DSPP: variants seen among roughly 807,000 people sequenced by gnomAD.
The protein encoded by DSPP is deafness, autosomal dominant 39.
DSPP carries 28 observed loss-of-function variants against 29.1 expected under a neutral mutation model. The observed-to-expected ratio is 0.96, with a 90% confidence interval of 0.71 to 1.32. DSPP has a LOEUF of 1.32. Among genes scored for constraint, DSPP ranks in the 40% most tolerant of loss-of-function variants. The probability of loss-of-function intolerance (pLI) is 0.00; values close to 1 mark genes in which losing one functional copy is unlikely to be tolerated. For missense variants in DSPP, 1,281 were observed against 1,629.9 expected (o/e 0.79, Z 3.69); for synonymous variants, 481 against 503.4 (o/e 0.96, Z 0.60).
chr4:87,612,551 A>G lies in DSPP; in HGVS notation c.365A>G (p.Asp122Gly). 6.2e-7 allele frequency: 1 copy of G among 1,614,108 alleles called. No individual in the cohort carries two copies. The highest frequency in any genetic ancestry group is 8.5e-7 in the Non-Finnish European group (1 of 1,179,956). ...GGAAAAGCAGAAACATATGGTCATGATGGAATACATGGGAAAGAAGAAAAC... is the reference window on the plus strand; with the variant it reads ...GGAAAAGCAGAAACATATGGTCATGGTGGAATACATGGGAAAGAAGAAAAC... ...DTGKAETYGH[D>G]GIHGKEENIT... The change falls in exon 4 of 5, where the codon GAT becomes GGT. Residue 122 changes from aspartate (D) to glycine (G), a missense_variant. Transcript: ENST00000651931.
chr4:87,611,001 T>A lies in DSPP; in HGVS notation c.51+42T>A, dbSNP rs1456007812. ...TAGAAAACCTCTTCACTTTGTTATC[T>A]TTTTTAACCTAACATTAATACAAAA... On this transcript the variant is annotated intron_variant, in intron 2 of 4. Transcript: ENST00000651931. The A allele has an allele frequency of 2.6e-6, 4 of 1,559,628 alleles. No homozygotes were observed. In the South Asian group the frequency reaches 3.3e-5, roughly 13 times the overall value.
In DSPP at chr4:87,613,050, A is replaced by T; in HGVS notation, c.864A>T (p.Glu288Asp). Residue 288 changes from glutamate to aspartate, a missense_variant, in exon 4 of 5, where the codon GAA becomes GAT. This residue lies in a region of DSPP where 631 missense variants were observed against 643.2 expected (regional missense o/e 0.98). Coordinates refer to ENST00000651931, the MANE Select transcript of DSPP (RefSeq NM_014208.3). Reference protein sequence around the residue: ...KGQEGQDHGKEDDHDSSIGQN... With the variant: ...KGQEGQDHGKDDDHDSSIGQN... ...AGGAGGGCCAGGACCATGGGAAAGA[A>T]GATGATCATGATAGTAGCATAGGTC... 1.2e-6 allele frequency: 2 copies of T among 1,614,174 alleles called. No individual in the cohort carries two copies. The highest frequency in any genetic ancestry group is 1.1e-5 in the South Asian group (1 of 91,080).
rs33940466 is a variant in DSPP, at chr4:87,611,030, AGTGTGTGTGTGT to A, written c.51+93_51+104del. 1,587 of 821,884 alleles carry A rather than the reference AGTGTGTGTGTGT, an allele frequency of 1.9e-3. 10 individuals are homozygous for A. The African/African-American group carries it at 0.023, about 12-fold the overall frequency. 50.9% of individuals were successfully genotyped at this position (821,884 alleles called of 1,614,324 possible). A position where few individuals can be genotyped will look rare whatever the true frequency, so the allele number is the denominator to read the frequency against. ...TTAACCTAACATTAATACAAAATGT[AGTGTGTGTGTGT>A]GTGTGTGTGTGTGTGTGTGTGCATG... On this transcript the variant is annotated intron_variant, in intron 2 of 4. Transcript: ENST00000651931.
Position 87,612,709 on chromosome 4 carries a change from G to T in DSPP, c.523G>T (p.Asp175Tyr), listed in dbSNP as rs764667389. ...TGTTGGCGATGCAGGTCACAATGAG[G>T]ATGTCGCTGTTGTCCAAGAAGATGG... is the stretch of plus-strand genomic sequence containing the variant. ...GDVGDAGHNE[D>Y]VAVVQEDGPQ... The change falls in exon 4 of 5, where the codon GAT (aspartate) becomes TAT (tyrosine). Residue 175 changes from aspartate to tyrosine, a missense_variant. Asp to Tyr is a radical substitution (Grantham distance 160). Around this residue, in one of 4 missense-constraint regions of DSPP, gnomAD observed 631 missense variants for 643.2 expected, o/e 0.98. Transcript: ENST00000651931. 5.0e-6 allele frequency: 8 copies of T among 1,614,192 alleles called. No homozygotes were observed. The highest frequency in any genetic ancestry group is 6.8e-6 in the Non-Finnish European group (8 of 1,180,024).
chr4:87,612,777 TG>T lies in DSPP; in HGVS notation c.592del (p.Glu198LysfsTer2). 6.2e-7 allele frequency: 1 copy of T among 1,614,068 alleles called. No homozygotes were observed. The highest frequency in any genetic ancestry group is 1.7e-5 in the Admixed American group (1 of 60,012). ...GSNNSTDNED[E>X]IIENSCRNEG... is the part of the protein sequence containing the mutation. Reference sequence around the variant, plus strand: ...GCAATAACAGTACAGACAATGAGGATGAAATAATTGAGAATTCCTGTAGAAA... The same window carrying T: ...GCAATAACAGTACAGACAATGAGGATAAATAATTGAGAATTCCTGTAGAAA... On this transcript the variant is annotated frameshift_variant, in exon 4 of 5. Coordinates refer to ENST00000651931, the MANE Select transcript of DSPP (RefSeq NM_014208.3). LOFTEE classifies it high-confidence loss of function.
Position 87,615,333 on chromosome 4 carries a change from A to T in DSPP, c.2671A>T (p.Ser891Cys). 6.6e-7 allele frequency: 1 copy of T among 1,515,048 alleles called. No homozygotes were observed. Among genetic ancestry groups the T allele is most frequent in the Non-Finnish European group, 8.9e-7 (1 of 1,126,016 alleles). The allele number at this position is 1,515,048 out of a possible 1,614,324, so 93.9% of individuals were successfully genotyped here. A position where few individuals can be genotyped will look rare whatever the true frequency, so the allele number is the denominator to read the frequency against. ...DSSDSNESSN[S>C]SDSSDSSNSS... ...CAGTGACAGCAACGAAAGCAGCAAT[A>T]GCAGTGACAGCAGTGATAGCAGCAA... Residue 891 changes from serine to cysteine, a missense_variant, in exon 5 of 5, where the codon AGC becomes TGC. Coordinates refer to ENST00000651931, the MANE Select transcript of DSPP (RefSeq NM_014208.3).
In DSPP at chr4:87,612,706, G is replaced by A; in HGVS notation, c.520G>A (p.Glu174Lys). The change falls in exon 4 of 5, where the codon GAG becomes AAG. Residue 174 changes from glutamate (E) to lysine (K), a missense_variant. Coordinates refer to ENST00000651931, the MANE Select transcript of DSPP (RefSeq NM_014208.3). ...NGDVGDAGHN[E>K]DVAVVQEDGP... Reference sequence around the variant, plus strand: ...GGATGTTGGCGATGCAGGTCACAATGAGGATGTCGCTGTTGTCCAAGAAGA... The same window carrying A: ...GGATGTTGGCGATGCAGGTCACAATAAGGATGTCGCTGTTGTCCAAGAAGA... 6.2e-7 allele frequency: 1 copy of A among 1,614,180 alleles called. No individual in the cohort carries two copies. The highest frequency in any genetic ancestry group is 8.5e-7 in the Non-Finnish European group (1 of 1,180,020).
In DSPP at chr4:87,612,629, C is replaced by A; in HGVS notation, c.443C>A (p.Ala148Asp). The change falls in exon 4 of 5, where the codon GCC (alanine) becomes GAC (aspartate). Residue 148 changes from alanine (A) to aspartate (D), a missense_variant. Ala to Asp is a moderately radical substitution (Grantham distance 126). Transcript: ENST00000651931. ...GQVSIIDNAG[A>D]TNRSNTNGNT... ...GTAAGCATCATTGACAATGCTGGAG[C>A]CACAAACAGAAGCAACACTAATGGA... 1 of 1,613,970 alleles carries A rather than the reference C, an allele frequency of 6.2e-7. No homozygotes were observed. Among genetic ancestry groups the A allele is most frequent in the Non-Finnish European group, 8.5e-7 (1 of 1,179,984 alleles).
rs140946012 is a variant in DSPP, at chr4:87,614,125, G to A, written c.1463G>A (p.Arg488Gln). The A allele has an allele frequency of 1.9e-5, 30 of 1,614,224 alleles. No homozygotes were observed. Among genetic ancestry groups the A allele is most frequent in the African/African-American group, 5.3e-5 (4 of 75,062 alleles). ...NSESDNNSSS[R>Q]GDASYNSDES... ...GAAAGTGACAATAACAGCAGTAGCC[G>A]AGGAGATGCTTCTTATAACTCTGAT... is the stretch of plus-strand genomic sequence containing the variant. Residue 488 changes from arginine (R) to glutamine (Q), a missense_variant, in exon 5 of 5, where the codon CGA becomes CAA. Around this residue, in one of 4 missense-constraint regions of DSPP, gnomAD observed 631 missense variants for 643.2 expected, o/e 0.98. Transcript: ENST00000651931.
rs751445119 is a variant in DSPP, at chr4:87,613,033, C to T, written c.847C>T (p.Gln283Ter). 16 of 1,614,056 alleles carry T rather than the reference C, an allele frequency of 9.9e-6. No homozygotes were observed. The South Asian group carries it at 1.6e-4, about 17-fold the overall frequency. ...TAATAACAGCAAGGGCCAGGAGGGC[C>T]AGGACCATGGGAAAGAAGATGATCA... ...SSNNSKGQEG[Q>*]DHGKEDDHDS... Residue 283 changes from glutamine to a stop codon, truncating the protein, a stop_gained, in exon 4 of 5, where the codon CAG becomes TAG. Transcript: ENST00000651931. LOFTEE classifies it high-confidence loss of function.
Position 87,612,176 on chromosome 4 carries a change from T to C in DSPP, c.123T>C (p.Asn41=). 1 of 1,614,098 alleles carries C rather than the reference T, an allele frequency of 6.2e-7. No individual in the cohort carries two copies. The highest frequency in any genetic ancestry group is 1.1e-5 in the South Asian group (1 of 91,072). ...SMNLHLLARS[N]VSVQDELNAS... ...ATTTGCATCTCCTAGCAAGATCAAATGTGTCAGTACAGGTATAGGATGTAA... is the reference window on the plus strand; with the variant it reads ...ATTTGCATCTCCTAGCAAGATCAAACGTGTCAGTACAGGTATAGGATGTAA... The change falls in exon 3 of 5, where the codon AAT becomes AAC. Residue 41 remains asparagine, a synonymous_variant. Coordinates refer to ENST00000651931, the MANE Select transcript of DSPP (RefSeq NM_014208.3).
chr4:87,614,357 C>CA lies in DSPP; in HGVS notation c.1696dup (p.Ser566LysfsTer3). On this transcript the variant is annotated frameshift_variant, in exon 5 of 5. Coordinates refer to ENST00000651931, the MANE Select transcript of DSPP (RefSeq NM_014208.3). LOFTEE classifies it low-confidence loss of function (END_TRUNC). Reference sequence around the variant, plus strand: ...GCAGCAATAGCAGTGATAGTAGTGACAGCAGTGACAGTGACAGCAGTGATA... The same window carrying CA: ...GCAGCAATAGCAGTGATAGTAGTGACAAGCAGTGACAGTGACAGCAGTGATA... 6.3e-7 allele frequency: 1 copy of CA among 1,598,986 alleles called. No individual in the cohort carries two copies. The highest frequency in any genetic ancestry group is 8.5e-7 in the Non-Finnish European group (1 of 1,172,540).
Position 87,612,705 on chromosome 4 carries a change from T to C in DSPP, c.519T>C (p.Asn173=), listed in dbSNP as rs2109995645. 4.3e-6 allele frequency: 7 copies of C among 1,614,132 alleles called. No homozygotes were observed. Among genetic ancestry groups the C allele is most frequent in the Non-Finnish European group, 5.9e-6 (7 of 1,180,018 alleles). ...GGGATGTTGGCGATGCAGGTCACAA[T>C]GAGGATGTCGCTGTTGTCCAAGAAG... ...QNGDVGDAGH[N]EDVAVVQEDG... is the part of the protein sequence containing the mutation. Residue 173 remains asparagine, a synonymous_variant, in exon 4 of 5, where the codon AAT becomes AAC. Coordinates refer to ENST00000651931, the MANE Select transcript of DSPP (RefSeq NM_014208.3).
At position 87,616,163 on chromosome 4, in the gene DSPP, C is replaced by T. The variant is rs747132033; in HGVS notation, c.3501C>T (p.Asp1167=). 366 of 1,528,398 alleles carry T rather than the reference C, an allele frequency of 2.4e-4. 11 individuals are homozygous for T. The African/African-American group carries it at 4.5e-3, about 19-fold the overall frequency. The allele number at this position is 1,528,398 out of a possible 1,614,324, so 94.7% of individuals were successfully genotyped here. A position where few individuals can be genotyped will look rare whatever the true frequency, so the allele number is the denominator to read the frequency against. Residue 1167 remains aspartate, a synonymous_variant, in exon 5 of 5, where the codon GAC becomes GAT. Transcript: ENST00000651931. ...SDSSDSSDSS[D]SSDSSDSSDS... is the part of the protein sequence containing the mutation. ...GCAGTGACAGCAGCGATAGCAGCGA[C>T]AGCAGCGACAGCAGCGATAGCAGTG...
At chr4:87,609,567 G>C (rs1423790230) in intron 1 of DSPP, among the ~76,000 whole-genome samples, 1 of 152,188 alleles carries the variant, frequency 6.6e-6, no homozygotes, top group Admixed American at 6.5e-5. Context: ...TTGGCTTTCT[G>C]TTGAACAGCT....
chr4:87,610,917 A>T lies in DSPP; in HGVS notation c.9A>T (p.Ile3=). The T allele has an allele frequency of 2.5e-6, 4 of 1,613,274 alleles. No homozygotes were observed. Among genetic ancestry groups the T allele is most frequent in the Non-Finnish European group, 3.4e-6 (4 of 1,179,264 alleles). MK[I]ITYFCIWAVA... is the part of the protein sequence containing the mutation. Reference sequence around the variant, plus strand: ...TATTATTCCTAAAGAAAATGAAGATAATTACATATTTTTGCATTTGGGCAG... The same window carrying T: ...TATTATTCCTAAAGAAAATGAAGATTATTACATATTTTTGCATTTGGGCAG... The change falls in exon 2 of 5, where the codon ATA becomes ATT. Residue 3 remains isoleucine (I), a synonymous_variant. Transcript: ENST00000651931.
At chr4:87,610,601 A>G (rs1037119805) in intron 1 of DSPP, among the ~76,000 whole-genome samples, 1 of 152,196 alleles carries the variant, frequency 6.6e-6, no homozygotes, top group African/African-American at 2.4e-5. Flanking sequence ...ACACCCAAGA[A>G]TTGCAGAAGA....
rs1324825495 is a variant in DSPP at position 87,614,414 on chromosome 4, C to G, written c.1752C>G (p.Asp584Glu). Reference protein sequence around the residue: ...SNSSSDSDSSDSDSSDSSDSD... With the variant: ...SNSSSDSDSSESDSSDSSDSD... ...GTAGCAGTGATAGTGACAGCAGTGACAGTGACAGCAGTGATAGCAGTGACA... is the reference window on the plus strand; with the variant it reads ...GTAGCAGTGATAGTGACAGCAGTGAGAGTGACAGCAGTGATAGCAGTGACA... Residue 584 changes from aspartate to glutamate, a missense_variant, in exon 5 of 5, where the codon GAC becomes GAG. Physicochemically the swap from Asp to Glu is conservative, Grantham distance 45. This residue lies in a region of DSPP where 444 missense variants were observed against 611.4 expected (regional missense o/e 0.73). Coordinates refer to ENST00000651931, the MANE Select transcript of DSPP (RefSeq NM_014208.3). The G allele has an allele frequency of 6.4e-7, 1 of 1,558,166 alleles. No homozygotes were observed. Among genetic ancestry groups the G allele is most frequent in the African/African-American group, 1.4e-5 (1 of 72,856 alleles).
chr4:87,611,069 A>C (rs1340075831), intron 2 of DSPP, 110 bp downstream of exon 2: 2 of 890,038 alleles, frequency 2.2e-6, no homozygotes, highest in Non-Finnish European at 3.5e-6. Context: ...GTGTGCATGT[A>C]CATGTGTGTA....
Sources: allele counts gnomAD v4.1 joint callset (sites outside exome capture counted in the v4.1 genomes callset), GRCh38; gene constraint gnomAD v4.1.1; regional missense constraint gnomAD v4.1.1; transcripts MANE v1.5; gene names NCBI Gene and HGNC (gene_info 2026-07-23, HGNC 2026-07-21).